The following GABRA1 variants were observed in gnomAD, a reference collection of about 807,000 sequenced individuals.
GABRA1 encodes gamma-aminobutyric acid type A receptor subunit alpha1.
A neutral mutation model predicts 48.9 loss-of-function variants in GABRA1; 9 were observed. The ratio of observed to expected loss-of-function variants is 0.18; its 90% confidence interval spans 0.11 to 0.32. GABRA1 has a LOEUF of 0.32. Ranked by LOEUF, GABRA1 falls within the 10% of genes least tolerant of loss-of-function variation. The pLI, the probability that GABRA1 is intolerant of heterozygous loss-of-function variation, is 1.00. For missense variants in GABRA1, 285 were observed against 553.8 expected (o/e 0.51, Z 4.87); for synonymous variants, 210 against 198.7 (o/e 1.06, Z -0.48).
At chr5:161,874,008 G>T (rs999348427) in intron 5 of GABRA1, among the ~76,000 whole-genome samples, 18 of 152,136 alleles carry the variant, frequency 1.2e-4, no homozygotes, top group African/African-American at 4.3e-4. Context: ...ATGTTTAAAA[G>T]TATTCCTCAT....
At position 161,882,565 on chromosome 5, in the gene GABRA1, T is replaced by C. The variant is rs1754661789; in HGVS notation, c.567T>C (p.Tyr189=). ...TCTACTGTTTCCTTTTAGATGCTTATACAAGAGCAGAAGTTGTTTATGAAT... is the reference window on the plus strand; with the variant it reads ...TCTACTGTTTCCTTTTAGATGCTTACACAAGAGCAGAAGTTGTTTATGAAT... The part of the protein sequence containing the change: ...ACPLKFGSYA[Y]TRAEVVYEWT... Residue 189 remains tyrosine, a synonymous_variant, in exon 7 of 10, where the codon TAT becomes TAC. Coordinates refer to ENST00000393943, the MANE Select transcript of GABRA1 (RefSeq NM_001127644.2). 1.9e-6 allele frequency: 3 copies of C among 1,613,314 alleles called. No homozygotes were observed. The highest frequency in any genetic ancestry group is 3.3e-5 in the Admixed American group (2 of 59,880).
At chr5:161,886,346 TG>T (rs1385397694) in intron 7 of GABRA1, among the ~76,000 whole-genome samples, 4 of 119,706 alleles carry the variant, frequency 3.3e-5, no homozygotes, top group Admixed American at 1.5e-4. Flanking sequence ...TTAATTTTTA[TG>T]GTTTTTTTTT....
chr5:161,852,581 T>A (rs1757489436), intron 2 of GABRA1, among the ~76,000 whole-genome samples: 1 of 151,994 alleles, frequency 6.6e-6, no homozygotes, highest in Non-Finnish European at 1.5e-5. Context: ...TATTTTTGCC[T>A]TACTGTTGTC....
chr5:161,864,454 A>G (rs1284415084), intron 3 of GABRA1, among the ~76,000 whole-genome samples: 2 of 152,062 alleles, frequency 1.3e-5, no homozygotes, highest in Non-Finnish European at 2.9e-5. Flanking sequence ...CTAGGGATAA[A>G]TTTATACTGA....
At chr5:161,863,005 G>T (rs560457108) in intron 3 of GABRA1, among the ~76,000 whole-genome samples, 1 of 151,846 alleles carries the variant, frequency 6.6e-6, no homozygotes, top group South Asian at 2.1e-4. Context: ...TCTCATTTTT[G>T]CCTCCAGTAC....
chr5:161,887,673 TGGAA>T (rs1408593821), intron 7 of GABRA1, among the ~76,000 whole-genome samples: 3 of 152,140 alleles, frequency 2.0e-5, no homozygotes, highest in Non-Finnish European at 4.4e-5. Context: ...TTAGAATACT[TGGAA>T]GGAAAATGAC....
chr5:161,877,644 A>G (rs998649689), intron 6 of GABRA1, among the ~76,000 whole-genome samples: 1 of 152,226 alleles, frequency 6.6e-6, no homozygotes, highest in African/African-American at 2.4e-5. Context: ...CACATTGCCA[A>G]TGATATTTGC....
intron 3 of GABRA1, among the ~76,000 whole-genome samples, chr5:161,856,021 G>A (rs777687396): frequency 6.6e-5 from 10 of 151,262 alleles, no homozygotes; most frequent in Non-Finnish European, 1.0e-4. Context: ...TGTTCAGAGT[G>A]CATGTAGCAA....
intron 1 of GABRA1, 28 bp downstream of exon 1, chr5:161,848,450 C>T (rs1757294767): frequency 6.9e-6 from 1 of 144,702 alleles, no homozygotes; most frequent in African/African-American, 2.7e-5. Flanking sequence ...CCACGATACA[C>T]AGACAGAGCT....
intron 3 of GABRA1, among the ~76,000 whole-genome samples, chr5:161,859,471 G>A (rs963633013): frequency 6.6e-6 from 1 of 151,682 alleles, no homozygotes; most frequent in South Asian, 2.1e-4. Context: ...ATTTCTTTAT[G>A]TAAAAGTAAG....
Position 161,865,753 on chromosome 5 carries a change from G to C in GABRA1, c.220G>C (p.Val74Leu). 3.1e-6 allele frequency: 5 copies of C among 1,612,948 alleles called. No homozygotes were observed. Among genetic ancestry groups the C allele is most frequent in the Non-Finnish European group, 4.2e-6 (5 of 1,179,178 alleles). Residue 74 changes from valine (V) to leucine (L), a missense_variant, in exon 4 of 10, where the codon GTC becomes CTC. Coordinates refer to ENST00000393943, the MANE Select transcript of GABRA1 (RefSeq NM_001127644.2). ...AACCGAAGTGAAGACTGATATCTTCGTCACCAGTTTCGGACCCGTTTCAGA... is the reference window on the plus strand; with the variant it reads ...AACCGAAGTGAAGACTGATATCTTCCTCACCAGTTTCGGACCCGTTTCAGA... ...RVTEVKTDIF[V>L]TSFGPVSDHD... is the part of the protein sequence containing the mutation.
At chr5:161,864,229 T>G (rs562643359) in intron 3 of GABRA1, among the ~76,000 whole-genome samples, 1 of 152,020 alleles carries the variant, frequency 6.6e-6, no homozygotes, top group Admixed American at 6.6e-5. Context: ...ATACTTTAAG[T>G]TTTAGGGTAC....
intron 3 of GABRA1, among the ~76,000 whole-genome samples, chr5:161,863,359 A>G (rs1399504012): frequency 6.6e-6 from 1 of 151,980 alleles, no homozygotes; most frequent in Non-Finnish European, 1.5e-5. Context: ...CAAGCATGAC[A>G]CTGGCATCTG....
chr5:161,882,177 C>T (rs151244633), intron 6 of GABRA1: 3 of 288,792 alleles, frequency 1.0e-5, no homozygotes, highest in South Asian at 3.6e-5. Flanking sequence ...TCCTTTTACT[C>T]GGTTGTGTAT....
rs1390518073 is a variant in GABRA1 at position 161,897,228 on chromosome 5, G to C, written c.1177G>C (p.Ala393Pro). 1 of 1,614,116 alleles carries C rather than the reference G, an allele frequency of 6.2e-7. No homozygotes were observed. Among genetic ancestry groups the C allele is most frequent in the Non-Finnish European group, 8.5e-7 (1 of 1,180,008 alleles). ...DPGLATIAKSATIEPKEVKPE... is the reference protein window; with the variant it reads ...DPGLATIAKSPTIEPKEVKPE... ...GGGCTTAGCCACCATTGCTAAAAGT[G>C]CAACCATAGAACCTAAAGAGGTCAA... The change falls in exon 10 of 10, where the codon GCA (alanine) becomes CCA (proline). Residue 393 changes from alanine (A) to proline (P), a missense_variant. Physicochemically the swap from Ala to Pro is conservative, Grantham distance 27. Around this residue, in one of 6 missense-constraint regions of GABRA1, gnomAD observed 99 missense variants for 94.2 expected, o/e 1.05. Transcript: ENST00000393943.
chr5:161,850,957 T>A, intron 2 of GABRA1, 73 bp downstream of exon 2: 2 of 1,298,688 alleles, frequency 1.5e-6, no homozygotes, highest in Admixed American at 3.4e-5. Flanking sequence ...GGGAAGAAAA[T>A]TGTCCTCAAA....
At chr5:161,876,382 G>A (rs954382003) in intron 6 of GABRA1, among the ~76,000 whole-genome samples, 52 of 152,200 alleles carry the variant, frequency 3.4e-4, no homozygotes, top group African/African-American at 1.2e-3. Flanking sequence ...GAGTGAGTGG[G>A]AATAATGTAT....
chr5:161,850,798 G>T lies in GABRA1; in HGVS notation c.-13G>T, dbSNP rs1364005919. The T allele has an allele frequency of 1.2e-6, 2 of 1,613,754 alleles. No homozygotes were observed. Among genetic ancestry groups the T allele is most frequent in the East Asian group, 2.2e-5 (1 of 44,868 alleles). On this transcript the variant is annotated splice_region_variant and 5_prime_UTR_variant, in exon 2 of 10. Coordinates refer to ENST00000393943, the MANE Select transcript of GABRA1 (RefSeq NM_001127644.2). The stretch of plus-strand genomic sequence containing the variant: ...TCTCTACTTATTCTACTTTTCAGCT[G>T]CTCCAGCCCGCGATGAGGAAAAGTC...
chr5:161,868,700 A>G (rs1266344158), intron 4 of GABRA1, among the ~76,000 whole-genome samples: 1 of 152,152 alleles, frequency 6.6e-6, no homozygotes, highest in Non-Finnish European at 1.5e-5. Context: ...TTGTTAAAGG[A>G]CAATGCCCAA....
Sources: allele counts gnomAD v4.1 joint callset (sites outside exome capture counted in the v4.1 genomes callset), GRCh38; gene constraint gnomAD v4.1.1; regional missense constraint gnomAD v4.1.1; transcripts MANE v1.5; gene names NCBI Gene and HGNC (gene_info 2026-07-23, HGNC 2026-07-21).